Variants in GNAL observed in about 807,000 individuals in gnomAD.
GNAL encodes the protein guanine nucleotide-binding protein G(olf) subunit alpha.
In GNAL, 18 loss-of-function variants were observed where a neutral mutation model predicts 55.1. The ratio of observed to expected loss-of-function variants is 0.33; its 90% confidence interval spans 0.23 to 0.48. GNAL has a LOEUF of 0.48. Among genes scored for constraint, GNAL ranks in the 20% least tolerant of loss-of-function variants. GNAL has a pLI of 0.99. For missense variants in GNAL, 412 were observed against 614.1 expected, an observed-to-expected ratio of 0.67 and a Z score of 3.48; for synonymous variants, 253 against 237.0, an observed-to-expected ratio of 1.07 and a Z score of -0.62.
chr18:11,720,595 TTG>T (rs1428695945), intron 1 of GNAL, among the ~76,000 whole-genome samples: 1 of 152,252 alleles, frequency 6.6e-6, no homozygotes, highest in Non-Finnish European at 1.5e-5. Flanking sequence ...CATCTATAAA[TTG>T]TGTTTGATTC....
chr18:11,768,873 G>A (rs1330518311), intron 4 of GNAL, among the ~76,000 whole-genome samples: 2 of 138,770 alleles, frequency 1.4e-5, no homozygotes, highest in Non-Finnish European at 3.1e-5. Flanking sequence ...CAACCTGGGC[G>A]ACGGAGCAAG....
intron 1 of GNAL, among the ~76,000 whole-genome samples, chr18:11,703,795 G>GCGCACACA (rs1311432181): frequency 1.8e-3 from 250 of 141,494 alleles, no homozygotes; most frequent in African/African-American, 6.1e-3. Context: ...GTGTTGATGG[G>GCGCACACA]CACACACACA....
At position 11,797,345 on chromosome 18, in the gene GNAL, T is replaced by G. The variant is rs114265552; in HGVS notation, c.625-27573T>G. 5.6e-3 allele frequency among the ~76,000 whole-genome samples: 854 copies of G among 152,360 alleles called. 9 individuals are homozygous for G. The highest frequency in any genetic ancestry group is 0.019 in the African/African-American group (800 of 41,578). On this transcript the variant is annotated intron_variant, in intron 4 of 11. Coordinates refer to ENST00000334049, the MANE Select transcript of GNAL (RefSeq NM_182978.4). ...TATGATCAGAGAAAAAAGTTTTGTT[T>G]ATAGGATACCAATTTTTGTCTCTTT...
chr18:11,720,539 C>T (rs968667158), intron 1 of GNAL, among the ~76,000 whole-genome samples: 1 of 152,168 alleles, frequency 6.6e-6, no homozygotes, highest in Admixed American at 6.5e-5. Flanking sequence ...GGATGTCAGT[C>T]CACAAGCTTG....
chr18:11,854,053 G>C (rs2035945578), intron 5 of GNAL: 1 of 166,840 alleles, frequency 6.0e-6, no homozygotes, highest in Admixed American at 6.5e-5. Context: ...TTGAACTCCT[G>C]ACCTCAGGTG....
intron 4 of GNAL, among the ~76,000 whole-genome samples, chr18:11,794,759 T>TAAAAAAAAAAAAA (rs775143875): frequency 1.1e-5 from 1 of 90,376 alleles, no homozygotes. Flanking sequence ...ACACACAGGT[T>TAAAAAAAAAAAAA]AAAAAAAAAA....
At chr18:11,774,648 G>A (rs571449826) in intron 4 of GNAL, among the ~76,000 whole-genome samples, 2 of 152,192 alleles carry the variant, frequency 1.3e-5, no homozygotes, top group Admixed American at 6.5e-5. Context: ...GACTTGCCCC[G>A]AGTCATAGAG....
rs2036310436 is a variant in GNAL at position 11,868,253 on chromosome 18, T to G, written c.911-290T>G. Among the ~76,000 whole-genome samples, 1 of 151,804 alleles carries G rather than the reference T, an allele frequency of 6.6e-6. No individual in the cohort carries two copies. Among genetic ancestry groups the G allele is most frequent in the Admixed American group, 6.6e-5 (1 of 15,254 alleles). On this transcript the variant is annotated intron_variant, in intron 8 of 11. Coordinates refer to ENST00000334049, the MANE Select transcript of GNAL (RefSeq NM_182978.4). This position sits in a 1 kb window ranked among gnomAD's most constrained non-coding sequence, Gnocchi z 4.0. Reference sequence around the variant, plus strand: ...AGGCGGAAGTTGCAGTGAGCCAAGATCATGCCATTGCACTCCAGCCTGGGA... The same window carrying G: ...AGGCGGAAGTTGCAGTGAGCCAAGAGCATGCCATTGCACTCCAGCCTGGGA...
chr18:11,723,686 C>T (rs925284244), intron 1 of GNAL, among the ~76,000 whole-genome samples: 3 of 152,168 alleles, frequency 2.0e-5, no homozygotes, highest in African/African-American at 7.2e-5. Flanking sequence ...GAGGTGGGGC[C>T]CTGCAGGAAG....
At chr18:11,743,438 GTGAATA>G (rs1424393623) in intron 1 of GNAL, among the ~76,000 whole-genome samples, 2 of 152,112 alleles carry the variant, frequency 1.3e-5, no homozygotes, top group Non-Finnish European at 2.9e-5. Context: ...AAATATGTTT[GTGAATA>G]TAATCATTTG....
intron 1 of GNAL, among the ~76,000 whole-genome samples, chr18:11,701,844 A>G (rs372596648): frequency 1.3e-5 from 2 of 152,230 alleles, no homozygotes; most frequent in Non-Finnish European, 2.9e-5. Flanking sequence ...ATCTCCAGCC[A>G]TCAAAGTGCT....
intron 1 of GNAL, chr18:11,745,623 C>G (rs559267109): frequency 6.5e-6 from 1 of 153,458 alleles, no homozygotes. Flanking sequence ...TTCACAGGAC[C>G]GTATATGGCA....
In GNAL at chr18:11,868,506, G is replaced by A. The variant is rs754984746; in HGVS notation, c.911-37G>A. Reference sequence around the variant, plus strand: ...TTTCTTGTAACTCCACAGTGAGGATGTCTAACTGAGGTGCTTTCCTTTTTC... The same window carrying A: ...TTTCTTGTAACTCCACAGTGAGGATATCTAACTGAGGTGCTTTCCTTTTTC... On this transcript the variant is annotated intron_variant, in intron 8 of 11. Coordinates refer to ENST00000334049, the MANE Select transcript of GNAL (RefSeq NM_182978.4). The surrounding 1 kb of genome is among the most constrained non-coding windows in gnomAD (Gnocchi z 4.0). 26 of 1,581,766 alleles carry A rather than the reference G, an allele frequency of 1.6e-5. No homozygotes were observed. The East Asian group carries it at 5.2e-4, about 31-fold the overall frequency.
chr18:11,771,233 A>G (rs1395203756), intron 4 of GNAL, among the ~76,000 whole-genome samples: 3 of 150,692 alleles, frequency 2.0e-5, no homozygotes, highest in Non-Finnish European at 4.4e-5. Flanking sequence ...AAAAAAAAAG[A>G]AAAAAAGAGA....
At chr18:11,766,999 A>G (rs1040297375) in intron 4 of GNAL, among the ~76,000 whole-genome samples, 13 of 152,192 alleles carry the variant, frequency 8.5e-5, no homozygotes, top group Non-Finnish European at 2.9e-5. Context: ...TTTCCTGTTC[A>G]ATCTGTACCC....
rs1217803135 is a variant in GNAL at position 11,752,400 on chromosome 18, C to T, written c.377-453C>T. The T allele has an allele frequency of 1.9e-6, 3 of 1,587,112 alleles. No homozygotes were observed. In the African/African-American group the frequency reaches 4.2e-5, roughly 22 times the overall value. The stretch of plus-strand genomic sequence containing the variant: ...CTCTCTATTGCTTTTTGCGCACATT[C>T]CTAACTTCCTGACGTCCATCCCAGC... On this transcript the variant is annotated intron_variant, in intron 1 of 11. Coordinates refer to ENST00000334049, the MANE Select transcript of GNAL (RefSeq NM_182978.4). The surrounding 1 kb of genome is among the most constrained non-coding windows in gnomAD (Gnocchi z 4.5).
In GNAL at chr18:11,885,185, C is replaced by T; in HGVS notation, c.*4050C>T. 1 of 552,498 alleles carries T rather than the reference C, an allele frequency of 1.8e-6. No individual in the cohort carries two copies. The highest frequency in any genetic ancestry group is 2.7e-6 in the Non-Finnish European group (1 of 376,876). 34.2% of individuals were successfully genotyped at this position (552,498 alleles called of 1,614,324 possible). A position where few individuals can be genotyped will look rare whatever the true frequency, so the allele number is the denominator to read the frequency against. On this transcript the variant is annotated 3_prime_UTR_variant, in exon 12 of 12. Transcript: ENST00000334049. Reference sequence around the variant, plus strand: ...TCCACCTTTTTATGAAGTAAAAGAACCTGTCGTACCAGCATCATGAGCTGG... The same window carrying T: ...TCCACCTTTTTATGAAGTAAAAGAATCTGTCGTACCAGCATCATGAGCTGG...
At chr18:11,741,653 A>C (rs1447735626) in intron 1 of GNAL, among the ~76,000 whole-genome samples, 1 of 152,214 alleles carries the variant, frequency 6.6e-6, no homozygotes, top group Non-Finnish European at 1.5e-5. Flanking sequence ...GAATGAATGA[A>C]TGAATGAACA....
At chr18:11,807,334 G>C (rs1328799249) in intron 4 of GNAL, among the ~76,000 whole-genome samples, 2 of 152,208 alleles carry the variant, frequency 1.3e-5, no homozygotes, top group Non-Finnish European at 2.9e-5. Context: ...AATGGACTGT[G>C]GTGAGAAGGG....
Sources: gnomAD v4.1 joint callset for allele counts (sites outside exome capture counted in the v4.1 genomes callset) on GRCh38, gnomAD v4.1.1 for gene constraint, Gnocchi (gnomAD v3.1) non-coding constraint, MANE v1.5 for transcripts, NCBI Gene and HGNC (gene_info 2026-07-23, HGNC 2026-07-21) for gene names.